PACS1: variants seen among roughly 807,000 people sequenced by gnomAD.
The protein encoded by PACS1 is phosphofurin acidic cluster sorting protein 1.
Under a neutral mutation model 115.0 loss-of-function variants are expected in PACS1, and 24 were observed. The ratio of observed to expected loss-of-function variants is 0.21; its 90% CI spans 0.15 to 0.29. The LOEUF is 0.29. Among genes scored for constraint, PACS1 ranks in the 10% least tolerant of loss-of-function variants. The probability of loss-of-function intolerance (pLI) is 1.00; values close to 1 mark genes in which losing one functional copy is unlikely to be tolerated. For missense variants in PACS1, 838 were observed against 1,251.2 expected (o/e 0.67, Z 4.98); for synonymous variants, 453 against 504.5 (o/e 0.90, Z 1.37).
At chr11:66,197,232 T>C (rs1295705799) in intron 2 of PACS1, among the ~76,000 whole-genome samples, 1 of 152,124 alleles carries the variant, frequency 6.6e-6, no homozygotes, top group Non-Finnish European at 1.5e-5. Context: ...ACCCAGCTTC[T>C]CCCAACACTA....
At chr11:66,091,856 A>C (rs11605317) in intron 1 of PACS1, among the ~76,000 whole-genome samples, 31,447 of 151,368 alleles carry the variant, frequency 0.21, 3,340 homozygotes, top group Middle Eastern at 0.29. Context: ...TGAACTCATC[A>C]TTTTTTATGG....
intron 1 of PACS1, among the ~76,000 whole-genome samples, chr11:66,186,559 T>C (rs905426070): frequency 3.9e-5 from 6 of 152,220 alleles, no homozygotes; most frequent in African/African-American, 7.2e-5. Context: ...CTAATTATTA[T>C]GTTTATTGCT....
Position 66,230,654 on chromosome 11 carries a change from C to G in PACS1, c.1481C>G (p.Ala494Gly). 6.2e-7 allele frequency: 1 copy of G among 1,613,098 alleles called. No individual in the cohort carries two copies. The change falls in exon 12 of 24, where the codon GCC (alanine) becomes GGC (glycine). Residue 494 changes from alanine (A) to glycine (G), a missense_variant. This residue lies in a region of PACS1 where 383 missense variants were observed against 537.0 expected (regional missense o/e 0.71). Coordinates refer to ENST00000320580, the MANE Select transcript of PACS1 (RefSeq NM_018026.4). ...KSSKTDLQGS[A>G]SPSKVEGVHT... ...AGTAAAACGGATCTCCAGGGCTCTG[C>G]CTCCCCCAGGTACTGCAGATGGAAA...
chr11:66,072,470 C>A (rs1376447328), intron 1 of PACS1, among the ~76,000 whole-genome samples: 1 of 152,118 alleles, frequency 6.6e-6, no homozygotes, highest in Non-Finnish European at 1.5e-5. Flanking sequence ...TAGATTGTTT[C>A]CACAGGCTGC....
chr11:66,076,356 C>T (rs761705701), intron 1 of PACS1, among the ~76,000 whole-genome samples: 5 of 151,880 alleles, frequency 3.3e-5, no homozygotes, highest in Non-Finnish European at 7.4e-5. Context: ...GTTAGAGCTG[C>T]GTCTTTTCAC....
intron 1 of PACS1, among the ~76,000 whole-genome samples, chr11:66,161,669 A>G (rs1257120577): frequency 6.6e-6 from 1 of 152,190 alleles, no homozygotes; most frequent in Non-Finnish European, 1.5e-5. Flanking sequence ...AAAAGATCCT[A>G]TTACTCTAAT....
intron 21 of PACS1, among the ~76,000 whole-genome samples, chr11:66,239,537 A>G (rs1227376545): frequency 6.6e-6 from 1 of 152,058 alleles, no homozygotes; most frequent in East Asian, 1.9e-4. Context: ...AACCCAAAAC[A>G]CTAAAGTTAG....
chr11:66,136,262 A>AC (rs1858841669), intron 1 of PACS1, among the ~76,000 whole-genome samples: 1 of 143,700 alleles, frequency 7.0e-6, no homozygotes, highest in Non-Finnish European at 1.5e-5. Context: ...CAATCCCGCT[A>AC]ACACACACAC....
intron 1 of PACS1, among the ~76,000 whole-genome samples, chr11:66,088,665 C>T (rs755600744): frequency 5.3e-5 from 8 of 152,172 alleles, no homozygotes; most frequent in Admixed American, 3.3e-4. Flanking sequence ...TTATAATAGG[C>T]CTGTTACGTA....
At chr11:66,209,481 CT>C (rs1384292623) in intron 2 of PACS1, among the ~76,000 whole-genome samples, 1 of 152,178 alleles carries the variant, frequency 6.6e-6, no homozygotes, top group Non-Finnish European at 1.5e-5. Flanking sequence ...GTGCTGGGAA[CT>C]CACAGACGTT....
intron 1 of PACS1, among the ~76,000 whole-genome samples, chr11:66,161,277 G>T (rs1859483171): frequency 6.6e-6 from 1 of 152,024 alleles, no homozygotes; most frequent in African/African-American, 2.4e-5. Flanking sequence ...GTGACTGGCA[G>T]ATGGCTGAAA....
At chr11:66,075,360 C>T (rs182358496) in intron 1 of PACS1, among the ~76,000 whole-genome samples, 2 of 152,110 alleles carry the variant, frequency 1.3e-5, no homozygotes, top group Non-Finnish European at 2.9e-5. Context: ...CTCACCTCAG[C>T]CTCCTGAGTA....
chr11:66,219,863 C>A, intron 8 of PACS1, 58 bp downstream of exon 8: 1 of 1,221,382 alleles, frequency 8.2e-7, no homozygotes, highest in Non-Finnish European at 1.2e-6. Flanking sequence ...TTTCACCCAG[C>A]ATCCCTGGAG....
intron 1 of PACS1, among the ~76,000 whole-genome samples, chr11:66,174,396 A>G (rs1472934137): frequency 3.9e-5 from 6 of 152,210 alleles, no homozygotes; most frequent in Admixed American, 2.0e-4. Context: ...TAAATTTACC[A>G]TATGACCCTG....
intron 1 of PACS1, among the ~76,000 whole-genome samples, 168 bp downstream of exon 1, chr11:66,071,010 C>T (rs1026939595): frequency 2.0e-5 from 3 of 152,126 alleles, no homozygotes; most frequent in Admixed American, 2.0e-4. Context: ...CGGGGACCCG[C>T]CCTCTCCTGG....
intron 2 of PACS1, among the ~76,000 whole-genome samples, 155 bp downstream of exon 2, chr11:66,193,728 C>T (rs1454005912): frequency 2.6e-5 from 4 of 152,222 alleles, no homozygotes; most frequent in African/African-American, 4.8e-5. Context: ...CTCACAGGAC[C>T]TTCTGAGCCC....
At chr11:66,226,429 A>G (rs1855471139) in intron 10 of PACS1, among the ~76,000 whole-genome samples, 1 of 152,200 alleles carries the variant, frequency 6.6e-6, no homozygotes, top group African/African-American at 2.4e-5. Context: ...TGTTTGTCAC[A>G]AATGAGGGAG....
chr11:66,154,727 T>A (rs1859314868), intron 1 of PACS1, among the ~76,000 whole-genome samples: 2 of 152,168 alleles, frequency 1.3e-5, no homozygotes, highest in Admixed American at 6.5e-5. Context: ...GGATTGGAAA[T>A]CTCAGTATCA....
intron 2 of PACS1, among the ~76,000 whole-genome samples, chr11:66,208,189 G>A (rs1296959652): frequency 6.6e-6 from 1 of 152,164 alleles, no homozygotes; most frequent in African/African-American, 2.4e-5. Context: ...AGTGGCTGAG[G>A]CGTTTTTCCA....
Sources: allele counts gnomAD v4.1 joint callset (sites outside exome capture counted in the v4.1 genomes callset), GRCh38; gene constraint gnomAD v4.1.1; regional missense constraint gnomAD v4.1.1; transcripts MANE v1.5; gene names NCBI Gene and HGNC (gene_info 2026-07-23, HGNC 2026-07-21).